CNTLN: variants seen among roughly 807,000 people sequenced by gnomAD.
The protein encoded by CNTLN is centlein, also known as centlein, centrosomal protein.
CNTLN carries 212 observed loss-of-function variants against 180.0 expected under a neutral mutation model. The observed-to-expected ratio is 1.18, with a 90% CI of 1.05 to 1.32. The LOEUF (loss-of-function observed/expected upper bound fraction) is 1.32. Ranked by LOEUF, CNTLN falls within the 40% of genes most tolerant of loss-of-function variation. CNTLN has a pLI of 0.00. For missense variants in CNTLN, 2,095 were observed against 1,610.9 expected, an observed-to-expected ratio of 1.30 and a Z score of -5.14; for synonymous variants, 722 against 563.1, an observed-to-expected ratio of 1.28 and a Z score of -3.99.
rs532708598 is a variant in CNTLN at position 17,469,491 on chromosome 9, C to A, written c.3855+2600C>A. Among the ~76,000 whole-genome samples the A allele has an allele frequency of 2.0e-5, 3 of 151,856 alleles. No homozygotes were observed. The East Asian group carries it at 5.8e-4, about 29-fold the overall frequency. On this transcript the variant is annotated intron_variant, in intron 23 of 25. Coordinates refer to ENST00000380647, the MANE Select transcript of CNTLN (RefSeq NM_017738.4). Reference sequence around the variant, plus strand: ...ATGATTATCATCTTTCTTGTCCTTGCACATATGGCCCTAGGTCTAGGCAGA... The same window carrying A: ...ATGATTATCATCTTTCTTGTCCTTGAACATATGGCCCTAGGTCTAGGCAGA...
chr9:17,349,867 A>AG (rs1265357672), intron 12 of CNTLN, among the ~76,000 whole-genome samples: 1 of 152,180 alleles, frequency 6.6e-6, no homozygotes, highest in Non-Finnish European at 1.5e-5. Flanking sequence ...GGCACTAACC[A>AG]GGGGCTGAAC....
intron 12 of CNTLN, among the ~76,000 whole-genome samples, chr9:17,347,244 T>G (rs540317975): frequency 3.3e-5 from 5 of 152,336 alleles, no homozygotes; most frequent in Non-Finnish European, 7.4e-5. Context: ...ATCCTTTGAT[T>G]ATAGATTTTC....
chr9:17,415,105 C>A (rs1018597593), intron 16 of CNTLN, among the ~76,000 whole-genome samples: 1 of 151,496 alleles, frequency 6.6e-6, no homozygotes, highest in Non-Finnish European at 1.5e-5. Flanking sequence ...AAAAAAAAAT[C>A]TTAAGACCAC....
rs1829361221 is a variant in CNTLN at position 17,430,626 on chromosome 9, A to G, written c.3114+14437A>G. Among the ~76,000 whole-genome samples the G allele has an allele frequency of 2.6e-5, 4 of 152,028 alleles. No homozygotes were observed. The South Asian group carries it at 6.2e-4, about 24-fold the overall frequency. On this transcript the variant is annotated intron_variant, in intron 18 of 25. Transcript: ENST00000380647. ...TTGCTAACTGTAGTTGCCCTACTGT[A>G]CTACTGAACACTAGAACTTATTCCT...
At chr9:17,289,414 C>A (rs1490591875) in intron 6 of CNTLN, among the ~76,000 whole-genome samples, 5 of 115,182 alleles carry the variant, frequency 4.3e-5, no homozygotes, top group South Asian at 3.8e-4. Flanking sequence ...GAGGGTAACC[C>A]GACCTTTCTC....
chr9:17,426,605 A>C (rs1829099423), intron 18 of CNTLN, among the ~76,000 whole-genome samples: 1 of 151,818 alleles, frequency 6.6e-6, no homozygotes, highest in Non-Finnish European at 1.5e-5. Context: ...AATCTTTTTT[A>C]TGAACTCTTG....
chr9:17,295,079 C>T (rs1036263576), intron 6 of CNTLN, among the ~76,000 whole-genome samples: 1 of 151,932 alleles, frequency 6.6e-6, no homozygotes, highest in African/African-American at 2.4e-5. Context: ...GGCCTGGGTG[C>T]TAAGCCCCTC....
chr9:17,143,225 G>T lies in CNTLN; in HGVS notation c.361-63G>T, dbSNP rs187006155. The T allele has an allele frequency of 9.9e-6, 11 of 1,113,912 alleles. No individual in the cohort carries two copies. The Admixed American group carries it at 1.8e-4, about 19-fold the overall frequency. 69.0% of individuals were successfully genotyped at this position (1,113,912 alleles called of 1,614,324 possible). A position where few individuals can be genotyped will look rare whatever the true frequency, so the allele number is the denominator to read the frequency against. On this transcript the variant is annotated intron_variant, in intron 1 of 25. Coordinates refer to ENST00000380647, the MANE Select transcript of CNTLN (RefSeq NM_017738.4). ...TTGTTTTTTCATTTTAAAATTTAAT[G>T]TAGTATCTTATTTCACTACCACTAC...
chr9:17,256,396 C>A (rs1047574475), intron 5 of CNTLN, among the ~76,000 whole-genome samples: 20 of 151,936 alleles, frequency 1.3e-4, no homozygotes, highest in African/African-American at 4.8e-4. Flanking sequence ...ATAAACATTG[C>A]CTTTTCTCCA....
chr9:17,319,966 G>A (rs1349496930), intron 8 of CNTLN, among the ~76,000 whole-genome samples: 1 of 152,182 alleles, frequency 6.6e-6, no homozygotes, highest in African/African-American at 2.4e-5. Flanking sequence ...TTCACTAGCT[G>A]AATTCTGAAT....
chr9:17,358,435 AT>A (rs1197277432), intron 12 of CNTLN, among the ~76,000 whole-genome samples: 1 of 152,250 alleles, frequency 6.6e-6, no homozygotes, highest in Admixed American at 6.5e-5. Flanking sequence ...GATACTATAT[AT>A]TTTTGTAGAT....
At chr9:17,354,602 A>C (rs1174563818) in intron 12 of CNTLN, among the ~76,000 whole-genome samples, 1 of 152,068 alleles carries the variant, frequency 6.6e-6, no homozygotes, top group Admixed American at 6.5e-5. Context: ...TGTGGAAACT[A>C]TATCTAACTA....
intron 25 of CNTLN, among the ~76,000 whole-genome samples, chr9:17,496,220 C>A (rs1421922981): frequency 6.6e-6 from 1 of 152,180 alleles, no homozygotes; most frequent in African/African-American, 2.4e-5. Context: ...TTCCCCATCC[C>A]TTTATTTTTC....
chr9:17,409,506 A>G (rs759945437), intron 16 of CNTLN, 33 bp downstream of exon 16: 3 of 1,470,332 alleles, frequency 2.0e-6, no homozygotes, highest in Non-Finnish European at 2.8e-6. Context: ...ATTGTATGCT[A>G]TGTTTTAAAT....
intron 5 of CNTLN, among the ~76,000 whole-genome samples, chr9:17,254,774 G>C (rs1473336498): frequency 6.6e-6 from 1 of 151,542 alleles, no homozygotes; most frequent in African/African-American, 2.4e-5. Flanking sequence ...GTTTGGGGTT[G>C]CTTAAGATTT....
At position 17,463,033 on chromosome 9, in the gene CNTLN, A is replaced by C; in HGVS notation, c.3404+20A>C. ...TGAAAAGTATGGTTTTTGTATTTCT[A>C]TCCATTGTATTTGGTGCCACCTAGT... On this transcript the variant is annotated intron_variant, in intron 20 of 25. Coordinates refer to ENST00000380647, the MANE Select transcript of CNTLN (RefSeq NM_017738.4). 1.3e-6 allele frequency: 2 copies of C among 1,485,378 alleles called. No individual in the cohort carries two copies. The highest frequency in any genetic ancestry group is 1.8e-6 in the Non-Finnish European group (2 of 1,084,202). 92.0% of individuals were successfully genotyped at this position (1,485,378 alleles called of 1,614,324 possible). A position where few individuals can be genotyped will look rare whatever the true frequency, so the allele number is the denominator to read the frequency against.
chr9:17,160,903 T>C (rs1002091185), intron 2 of CNTLN, among the ~76,000 whole-genome samples: 10 of 152,184 alleles, frequency 6.6e-5, no homozygotes, highest in African/African-American at 1.4e-4. Context: ...CAGGTATCAA[T>C]TGAATGTCAT....
chr9:17,513,518 A>G, the CNTLN span, among the ~76,000 whole-genome samples: 1 of 152,136 alleles, frequency 6.6e-6, no homozygotes, highest in Non-Finnish European at 1.5e-5. Context: ...CAAAATGGCG[A>G]AACCCCTTCT....
At chr9:17,446,356 T>G (rs376270257) in intron 18 of CNTLN, among the ~76,000 whole-genome samples, 198 of 152,312 alleles carry the variant, frequency 1.3e-3, no homozygotes, top group African/African-American at 4.5e-3. Context: ...ATTTCCGTTT[T>G]TAAGTATTAA....
Sources: allele counts gnomAD v4.1 joint callset (sites outside exome capture counted in the v4.1 genomes callset), GRCh38; gene constraint gnomAD v4.1.1; transcripts MANE v1.5; gene names NCBI Gene and HGNC (gene_info 2026-07-23, HGNC 2026-07-21).